Variants in MYO5A observed in about 807,000 individuals in gnomAD.
MYO5A encodes the protein unconventional myosin-Va.
In MYO5A, 98 loss-of-function variants were observed where a neutral mutation model predicts 249.7. The observed-to-expected ratio is 0.39, with a 90% CI of 0.33 to 0.46. MYO5A has a LOEUF of 0.46. Ranked by LOEUF, MYO5A falls within the 20% of genes least tolerant of loss-of-function variation. The pLI, the probability that MYO5A is intolerant of heterozygous loss-of-function variation, is 0.98. For missense variants in MYO5A, 1,696 were observed against 2,308.8 expected (o/e 0.73, Z 5.44); for synonymous variants, 778 against 810.6 (o/e 0.96, Z 0.68).
chr15:52,487,698 T>C (rs1238743467), intron 1 of MYO5A, among the ~76,000 whole-genome samples: 2 of 145,674 alleles, frequency 1.4e-5, no homozygotes, highest in Non-Finnish European at 1.5e-5. Flanking sequence ...CACTCCAGCC[T>C]AGATGACAGA....
intron 1 of MYO5A, among the ~76,000 whole-genome samples, chr15:52,506,232 T>C (rs2077268171): frequency 6.6e-6 from 1 of 152,082 alleles, no homozygotes; most frequent in Admixed American, 6.6e-5. Context: ...GCACCTGTAG[T>C]CCCACCTACT....
chr15:52,498,573 C>T (rs60607997), intron 1 of MYO5A, among the ~76,000 whole-genome samples: 22,859 of 152,068 alleles, frequency 0.15, 1,827 homozygotes, highest in Middle Eastern at 0.22. Context: ...TTGAACACTT[C>T]CTCAATGTTT....
chr15:52,349,614 T>C (rs1334449671), intron 28 of MYO5A, among the ~76,000 whole-genome samples: 1 of 152,240 alleles, frequency 6.6e-6, no homozygotes, highest in Non-Finnish European at 1.5e-5. Context: ...TCATTTTTCT[T>C]TTCCTTTCTC....
At chr15:52,433,341 A>ATGTT in intron 1 of MYO5A, 56 bp from the exon 2 acceptor site, 9 of 960,114 alleles carry the variant, frequency 9.4e-6, no homozygotes, top group South Asian at 2.7e-5. Flanking sequence ...TTACAATCAT[A>ATGTT]TATAAACATA....
At chr15:52,386,779 C>T (rs1490261575) in intron 14 of MYO5A, among the ~76,000 whole-genome samples, 1 of 152,146 alleles carries the variant, frequency 6.6e-6, no homozygotes, top group African/African-American at 2.4e-5. Context: ...AACTCCTGGG[C>T]TCAAGCAGTC....
At chr15:52,405,142 T>A in intron 9 of MYO5A, 145 bp downstream of exon 9, 2 of 711,116 alleles carry the variant, frequency 2.8e-6, no homozygotes, top group Non-Finnish European at 5.0e-6. Flanking sequence ...CAGTTTGAGA[T>A]TCTCCTTTGG....
chr15:52,433,393 C>A, intron 1 of MYO5A, 108 bp from the exon 2 acceptor site: 2 of 512,524 alleles, frequency 3.9e-6, no homozygotes, highest in Non-Finnish European at 3.5e-6. Context: ...AAAAAGAAAT[C>A]TTGGCCAACA....
intron 28 of MYO5A, among the ~76,000 whole-genome samples, chr15:52,350,979 T>C (rs1421388416): frequency 1.3e-5 from 2 of 152,240 alleles, no homozygotes; most frequent in South Asian, 4.1e-4. Context: ...TAGATTAAAA[T>C]TTATTGTGGC....
intron 25 of MYO5A, among the ~76,000 whole-genome samples, chr15:52,357,286 T>C (rs1288815010): frequency 6.6e-6 from 1 of 152,080 alleles, no homozygotes; most frequent in Admixed American, 6.6e-5. Context: ...TTTAATCTTT[T>C]CTTACACTGT....
intron 29 of MYO5A, among the ~76,000 whole-genome samples, chr15:52,347,365 C>G (rs573420407): frequency 6.6e-6 from 1 of 152,218 alleles, no homozygotes; most frequent in Non-Finnish European, 1.5e-5. Context: ...GCTGTGTAGC[C>G]TCTAAAAAAC....
intron 25 of MYO5A, among the ~76,000 whole-genome samples, chr15:52,357,138 C>A (rs530910210): frequency 3.3e-5 from 5 of 152,038 alleles, no homozygotes; most frequent in Non-Finnish European, 7.4e-5. Context: ...TATAAAAATT[C>A]TTCTCTATAC....
At chr15:52,463,193 A>C (rs1271914877) in intron 1 of MYO5A, among the ~76,000 whole-genome samples, 1 of 152,216 alleles carries the variant, frequency 6.6e-6, no homozygotes, top group Non-Finnish European at 1.5e-5. Flanking sequence ...AAGCAAACAA[A>C]GACTCTAAAA....
chr15:52,348,402 A>C (rs1176095179), intron 29 of MYO5A, among the ~76,000 whole-genome samples: 1 of 152,210 alleles, frequency 6.6e-6, no homozygotes, highest in Non-Finnish European at 1.5e-5. Context: ...TGAAAATGGC[A>C]GCAAAGAACA....
At chr15:52,318,828 C>T (rs551012684) in intron 39 of MYO5A, among the ~76,000 whole-genome samples, 2 of 152,302 alleles carry the variant, frequency 1.3e-5, no homozygotes, top group African/African-American at 4.8e-5. Context: ...GGTTTCCTAT[C>T]AAGAATGTGA....
chr15:52,479,133 T>C (rs2076662212), intron 1 of MYO5A, among the ~76,000 whole-genome samples: 1 of 151,990 alleles, frequency 6.6e-6, no homozygotes. Context: ...GTAGCTGGAA[T>C]TACCTGGCTA....
chr15:52,515,651 G>A (rs1449314312), intron 1 of MYO5A, among the ~76,000 whole-genome samples: 3 of 152,186 alleles, frequency 2.0e-5, no homozygotes, highest in African/African-American at 7.2e-5. Context: ...TATGAAGAAG[G>A]AGGGAGCAGA....
intron 1 of MYO5A, among the ~76,000 whole-genome samples, chr15:52,488,453 G>A (rs1326167073): frequency 6.6e-6 from 1 of 152,182 alleles, no homozygotes; most frequent in Non-Finnish European, 1.5e-5. Flanking sequence ...AAGCAAATAT[G>A]TGAACTCTAA....
Position 52,380,046 on chromosome 15 carries a change from C to A in MYO5A, c.2013-138G>T, listed in dbSNP as rs1258614624. 8.2e-6 allele frequency: 7 copies of A among 849,642 alleles called. No individual in the cohort carries two copies. In the East Asian group the frequency reaches 1.8e-4, roughly 22 times the overall value. 52.6% of individuals were successfully genotyped at this position (849,642 alleles called of 1,614,324 possible). Reference sequence around the variant, plus strand: ...AAAAGAAAGCTTTCAGAAGTCGGAGCAGTGATCAAAATGGAAAACTATGAG... The same window carrying A: ...AAAAGAAAGCTTTCAGAAGTCGGAGAAGTGATCAAAATGGAAAACTATGAG... On this transcript the variant is annotated intron_variant, in intron 16 of 41. Transcript: ENST00000399233.
At chr15:52,473,516 T>C (rs751900593) in intron 1 of MYO5A, among the ~76,000 whole-genome samples, 1 of 152,368 alleles carries the variant, frequency 6.6e-6, no homozygotes, top group Non-Finnish European at 1.5e-5. Flanking sequence ...TCCAGGGTTT[T>C]TATGGTTTTA....
Sources: allele counts gnomAD v4.1 joint callset (sites outside exome capture counted in the v4.1 genomes callset), GRCh38; gene constraint gnomAD v4.1.1; transcripts MANE v1.5; gene names NCBI Gene and HGNC (gene_info 2026-07-23, HGNC 2026-07-21).